Variants in DMD observed in about 807,000 individuals in gnomAD.
DMD encodes mutant dystrophin.
In DMD, 63 loss-of-function variants were observed where a neutral mutation model predicts 330.1. The observed-to-expected ratio is 0.19, with a 90% CI of 0.16 to 0.24. The LOEUF is 0.24. DMD is among the 10% of genes least tolerant of loss of function. The pLI is 1.00. For synonymous variants in DMD, 1,223 were observed against 959.8 expected (o/e 1.27, Z -5.07); for missense variants, 3,344 against 2,684.1 (o/e 1.25, Z -5.43).
rs377632571 is a variant in DMD, at chrX:31,206,632, T to A, written c.9599A>T (p.Lys3200Ile). 1 of 1,209,438 alleles carries A rather than the reference T, an allele frequency of 8.3e-7. No individual in the cohort carries two copies. The highest frequency in any genetic ancestry group is 1.1e-6 in the Non-Finnish European group (1 of 894,770). Residue 3200 changes from lysine to isoleucine, a missense_variant, in exon 66 of 79, where the codon AAA (lysine) becomes ATA (isoleucine). Physicochemically the swap from Lys to Ile is moderately radical, Grantham distance 102. Coordinates refer to ENST00000357033, the MANE Select transcript of DMD (RefSeq NM_004006.3). ...RTGRIRVLSF[K>I]TGIISLCKAH... ...TTTACACAGGGAAATGATGCCAGTT[T>A]TAAAAGACAGGACACGGATCCTCCC...
At chrX:32,085,639 CGTAT>C (rs2096430529) in intron 44 of DMD, among the ~76,000 whole-genome samples, 2 of 84,142 alleles carry the variant, frequency 2.4e-5, no homozygotes, top group Non-Finnish European at 4.4e-5. Context: ...CACATATATA[CGTAT>C]ATATATGTGT....
intron 57 of DMD, among the ~76,000 whole-genome samples, chrX:31,483,997 TA>T (rs201435557): frequency 9.1e-5 from 10 of 109,648 alleles, no homozygotes; most frequent in East Asian, 2.8e-4. Context: ...CTTTATGTAG[TA>T]AAAAAAAAGC....
chrX:31,197,127 A>G (rs2042981519), intron 67 of DMD, among the ~76,000 whole-genome samples: 1 of 111,729 alleles, frequency 9.0e-6, no homozygotes, highest in Non-Finnish European at 1.9e-5. Context: ...CTATTGGTTC[A>G]TTTAATCCTC....
chrX:32,637,119 A>C (rs1386281907), intron 11 of DMD, among the ~76,000 whole-genome samples: 3 of 112,338 alleles, frequency 2.7e-5, no homozygotes, highest in Non-Finnish European at 5.6e-5. Flanking sequence ...TGTCATCAGG[A>C]GCCAAGGACA....
chrX:31,609,394 A>G lies in DMD; in HGVS notation c.8217+18279T>C, dbSNP rs767272744. 1.2e-4 allele frequency among the ~76,000 whole-genome samples: 14 copies of G among 112,177 alleles called. No individual in the cohort carries two copies. The South Asian group carries it at 5.2e-3, about 41-fold the overall frequency. On this transcript the variant is annotated intron_variant, in intron 55 of 78. Coordinates refer to ENST00000357033, the MANE Select transcript of DMD (RefSeq NM_004006.3). ...TTTCTTTTCCAATACAATATGCAAG[A>G]AAATATTTCACATCATGAGATTTAG...
At chrX:32,647,545 A>G (rs139123874) in intron 9 of DMD, among the ~76,000 whole-genome samples, 1,487 of 111,686 alleles carry the variant, frequency 0.013, 22 homozygotes, top group African/African-American at 0.046. Context: ...TTATGTTCCT[A>G]TATGAACCAA....
At chrX:33,145,217 T>C (rs1198528083) in intron 1 of DMD, among the ~76,000 whole-genome samples, 2 of 112,257 alleles carry the variant, frequency 1.8e-5, no homozygotes, top group Non-Finnish European at 3.8e-5. Flanking sequence ...CTAGCATTTC[T>C]AAACACAAAA....
intron 49 of DMD, among the ~76,000 whole-genome samples, chrX:31,835,188 A>C (rs1336129687): frequency 8.9e-6 from 1 of 112,208 alleles, no homozygotes; most frequent in African/African-American, 3.2e-5. Flanking sequence ...TCTCTTTTAC[A>C]AAGGCACAAA....
At chrX:33,152,847 C>G (rs1399630069) in intron 1 of DMD, among the ~76,000 whole-genome samples, 1 of 111,547 alleles carries the variant, frequency 9.0e-6, no homozygotes, top group Non-Finnish European at 1.9e-5. Flanking sequence ...AATAGACAGT[C>G]ACTTAAAGCA....
At chrX:32,930,080 C>G (rs1474528171) in intron 2 of DMD, among the ~76,000 whole-genome samples, 1 of 111,525 alleles carries the variant, frequency 9.0e-6, no homozygotes, top group Non-Finnish European at 1.9e-5. Context: ...ATAGGTTAGC[C>G]TAGCCTATCT....
At chrX:32,397,469 A>T (rs2098053250) in intron 30 of DMD, among the ~76,000 whole-genome samples, 1 of 111,894 alleles carries the variant, frequency 8.9e-6, no homozygotes, top group African/African-American at 3.2e-5. Flanking sequence ...ATCAAAGTCA[A>T]GTAATATAAA....
In DMD at chrX:32,194,775, G is replaced by C. The variant is rs111836077; in HGVS notation, c.6438+22141C>G. Among the ~76,000 whole-genome samples the C allele has an allele frequency of 7.9e-3, 881 of 111,928 alleles. 9 individuals carry two copies. The highest frequency in any genetic ancestry group is 0.027 in the African/African-American group (837 of 30,816). The stretch of plus-strand genomic sequence containing the variant: ...TGATTATCCTATATGGATTGAGAAA[G>C]GTTGACTTAAGAAGAAAATGGTAAA... On this transcript the variant is annotated intron_variant, in intron 44 of 78. Transcript: ENST00000357033.
At chrX:31,877,058 A>G (rs2093978838) in intron 47 of DMD, among the ~76,000 whole-genome samples, 1 of 112,215 alleles carries the variant, frequency 8.9e-6, no homozygotes, top group East Asian at 2.8e-4. Context: ...AATGAACAGT[A>G]CATTGTTTAA....
chrX:32,958,734 G>A (rs756689852), intron 2 of DMD, among the ~76,000 whole-genome samples: 2 of 110,963 alleles, frequency 1.8e-5, no homozygotes, highest in East Asian at 5.7e-4. Context: ...ACCCAGAAGT[G>A]TTTTTCCTCC....
intron 55 of DMD, among the ~76,000 whole-genome samples, chrX:31,593,346 G>A (rs1161644305): frequency 1.8e-5 from 2 of 111,233 alleles, no homozygotes; most frequent in Non-Finnish European, 3.8e-5. Flanking sequence ...AAAGTTCCCA[G>A]AGCTTCGCTG....
chrX:31,945,603 C>T (rs775542278), intron 45 of DMD, among the ~76,000 whole-genome samples: 29 of 112,229 alleles, frequency 2.6e-4, no homozygotes, highest in Admixed American at 2.3e-3. Flanking sequence ...AGTCCATACA[C>T]GTAGCTTATG....
chrX:33,135,165 C>T (rs1290009222), intron 1 of DMD, among the ~76,000 whole-genome samples: 3 of 111,733 alleles, frequency 2.7e-5, no homozygotes, highest in Non-Finnish European at 3.8e-5. Context: ...TCTACTGAAA[C>T]GCACTATTCT....
chrX:33,326,720 AG>A (rs1441260978), intron 1 of DMD, among the ~76,000 whole-genome samples: 2 of 111,977 alleles, frequency 1.8e-5, no homozygotes, highest in East Asian at 5.6e-4. Context: ...TAACTTATTA[AG>A]TTTTGTCTTT....
chrX:32,449,841 T>G (rs1458617993), intron 26 of DMD, among the ~76,000 whole-genome samples: 1 of 110,474 alleles, frequency 9.1e-6, no homozygotes, highest in Non-Finnish European at 1.9e-5. Context: ...AGTTTATTTA[T>G]GTGTGCCATG....
Sources: allele counts gnomAD v4.1 joint callset (sites outside exome capture counted in the v4.1 genomes callset), GRCh38; gene constraint gnomAD v4.1.1; transcripts MANE v1.5; gene names NCBI Gene and HGNC (gene_info 2026-07-23, HGNC 2026-07-21).